PCNX1: variants seen among roughly 807,000 people sequenced by gnomAD.
PCNX1 encodes the protein pecanex 1, also known as pecanex-like protein 1.
PCNX1 carries 78 observed loss-of-function variants against 242.2 expected under a neutral mutation model. That is an observed-to-expected ratio of 0.32 (90% CI 0.27 to 0.39). The LOEUF (loss-of-function observed/expected upper bound fraction) is 0.39. Ranked by LOEUF, PCNX1 falls within the 10% of genes least tolerant of loss-of-function variation. The pLI, the probability that PCNX1 is intolerant of heterozygous loss-of-function variation, is 1.00. For synonymous variants in PCNX1, 1,024 were observed against 1,032.9 expected (o/e 0.99, Z 0.17); for missense variants, 2,581 against 2,856.5 (o/e 0.90, Z 2.20).
chr14:71,071,146 A>G (rs1017753417), intron 26 of PCNX1, among the ~76,000 whole-genome samples: 5 of 152,194 alleles, frequency 3.3e-5, no homozygotes, highest in African/African-American at 7.2e-5. Flanking sequence ...AAAGAATTGT[A>G]GAGAGTTAGA....
At chr14:71,005,214 T>A (rs1455769630) in intron 8 of PCNX1, among the ~76,000 whole-genome samples, 1 of 152,110 alleles carries the variant, frequency 6.6e-6, no homozygotes, top group African/African-American at 2.4e-5. Context: ...ATGTCAAGAA[T>A]GCAACAGGCT....
At chr14:71,069,972 G>A (rs184111231) in intron 26 of PCNX1, among the ~76,000 whole-genome samples, 7 of 152,242 alleles carry the variant, frequency 4.6e-5, no homozygotes, top group African/African-American at 1.7e-4. Flanking sequence ...TTTCAAAATT[G>A]GAGTCAGTGC....
Position 71,009,818 on chromosome 14 carries a change from GT to G in PCNX1, c.2720+100del, listed in dbSNP as rs34870105. ...TAGAACTATAAAAGTTAATTTTTTT[GT>G]TTTTTATAATTTAATGTTGTTAATT... is the stretch of plus-strand genomic sequence containing the variant. On this transcript the variant is annotated intron_variant, in intron 9 of 35. Transcript: ENST00000304743. The G allele has an allele frequency of 2.8e-3, 1,674 of 601,308 alleles. 12 individuals carry two copies. The African/African-American group carries it at 0.029, about 10-fold the overall frequency. 37.2% of individuals were successfully genotyped at this position (601,308 alleles called of 1,614,324 possible).
rs979554284 is a variant in PCNX1, at chr14:71,088,303, T to C, written c.5338-27T>C. 4 of 1,322,378 alleles carry C rather than the reference T, an allele frequency of 3.0e-6. No homozygotes were observed. In the Admixed American group the frequency reaches 5.1e-5, roughly 17 times the overall value. 81.9% of individuals were successfully genotyped at this position (1,322,378 alleles called of 1,614,324 possible). On this transcript the variant is annotated intron_variant, in intron 28 of 35. Coordinates refer to ENST00000304743, the MANE Select transcript of PCNX1 (RefSeq NM_014982.3). ...GTTAAATACTTACATACCTTTCTGATAACTAATGTTTTTTGTTTTTTTAAA... is the reference window on the plus strand; with the variant it reads ...GTTAAATACTTACATACCTTTCTGACAACTAATGTTTTTTGTTTTTTTAAA...
intron 2 of PCNX1, among the ~76,000 whole-genome samples, chr14:70,952,130 TAAATG>T (rs1343158903): frequency 6.6e-6 from 1 of 152,204 alleles, no homozygotes; most frequent in Non-Finnish European, 1.5e-5. Context: ...TTACAATGAA[TAAATG>T]AAATAATATA....
At chr14:71,009,534 G>T in intron 8 of PCNX1, 100 bp from the exon 9 acceptor site, 1 of 604,914 alleles carries the variant, frequency 1.7e-6, no homozygotes, top group East Asian at 3.0e-5. Flanking sequence ...AGGTTATGGT[G>T]TATTTTCTTA....
Position 70,978,003 on chromosome 14 carries a change from G to A in PCNX1, c.1666G>A (p.Ala556Thr). 6.2e-7 allele frequency: 1 copy of A among 1,614,158 alleles called. No individual in the cohort carries two copies. Among genetic ancestry groups the A allele is most frequent in the Middle Eastern group, 1.6e-4 (1 of 6,062 alleles). ...SSSVIHRTAS[A>T]HKSGRRRTGK... ...TAGCGTAATCCATCGGACAGCTTCT[G>A]CCCACAAGTCAGGCAGGAGACGCAC... The change falls in exon 6 of 36, where the codon GCC becomes ACC. Residue 556 changes from alanine (A) to threonine (T), a missense_variant. Around this residue, in one of 9 missense-constraint regions of PCNX1, gnomAD observed 1,204 missense variants for 1,216.7 expected, o/e 0.99. Coordinates refer to ENST00000304743, the MANE Select transcript of PCNX1 (RefSeq NM_014982.3).
At chr14:71,077,449 C>T (rs575625374) in intron 28 of PCNX1, among the ~76,000 whole-genome samples, 1 of 152,292 alleles carries the variant, frequency 6.6e-6, no homozygotes, top group South Asian at 2.1e-4. Context: ...GCATACCGAC[C>T]ATCTTCACGT....
intron 28 of PCNX1, among the ~76,000 whole-genome samples, chr14:71,083,843 A>T (rs190902755): frequency 4.1e-4 from 62 of 152,150 alleles, no homozygotes; most frequent in Non-Finnish European, 7.2e-4. Context: ...TCTGAAGCCT[A>T]CTTCTGTCAA....
At position 71,057,663 on chromosome 14, in the gene PCNX1, A is replaced by T; in HGVS notation, c.4791A>T (p.Val1597=). The change falls in exon 26 of 36, where the codon GTA becomes GTT. Residue 1597 remains valine (V), a synonymous_variant. Coordinates refer to ENST00000304743, the MANE Select transcript of PCNX1 (RefSeq NM_014982.3). ...ILASDYLNAL[V]HLIEIGNGLV... ...CCTCTGACTATCTCAATGCATTAGT[A>T]CACCTTATAGAGATAGGCAATGGTC... 1.2e-6 allele frequency: 2 copies of T among 1,613,998 alleles called. No individual in the cohort carries two copies. The highest frequency in any genetic ancestry group is 8.5e-7 in the Non-Finnish European group (1 of 1,179,890).
chr14:70,974,409 A>G (rs1036163104), intron 5 of PCNX1, among the ~76,000 whole-genome samples: 2 of 152,106 alleles, frequency 1.3e-5, no homozygotes, highest in African/African-American at 4.8e-5. Context: ...CTGGGATTAC[A>G]GGCGTGAGCC....
chr14:71,081,928 A>T (rs144526233), intron 28 of PCNX1, among the ~76,000 whole-genome samples: 1 of 151,974 alleles, frequency 6.6e-6, no homozygotes, highest in African/African-American at 2.4e-5. Flanking sequence ...TTGCTTTTCT[A>T]GTTCTTTTAA....
intron 6 of PCNX1, among the ~76,000 whole-genome samples, chr14:70,983,575 T>G (rs990707633): frequency 3.2e-4 from 48 of 152,114 alleles, no homozygotes; most frequent in African/African-American, 1.2e-3. Context: ...AGTGCTGGGA[T>G]TACAGGCGTG....
intron 1 of PCNX1, among the ~76,000 whole-genome samples, chr14:70,936,983 G>A (rs1258529044): frequency 1.3e-5 from 2 of 152,054 alleles, no homozygotes; most frequent in East Asian, 1.9e-4. Flanking sequence ...GGGTTTGTTT[G>A]ATTGTTTTCT....
rs945231079 is a variant in PCNX1 at position 70,942,617 on chromosome 14, A to G, written c.154-4298A>G. 3.3e-5 allele frequency among the ~76,000 whole-genome samples: 5 copies of G among 152,234 alleles called. No homozygotes were observed. In the South Asian group the frequency reaches 1.0e-3, roughly 31 times the overall value. On this transcript the variant is annotated intron_variant, in intron 1 of 35. Transcript: ENST00000304743. ...GAGATACTATTAATACAAAGGATAC[A>G]AATGAAAAGTTGCATGAGGCAAGGC...
chr14:70,962,993 T>G (rs560949521), intron 3 of PCNX1, among the ~76,000 whole-genome samples: 1 of 152,336 alleles, frequency 6.6e-6, no homozygotes, highest in East Asian at 1.9e-4. Context: ...TTAGCAGACC[T>G]TTACATAACT....
At chr14:70,968,480 T>G (rs1455201536) in intron 4 of PCNX1, among the ~76,000 whole-genome samples, 4 of 152,356 alleles carry the variant, frequency 2.6e-5, no homozygotes, top group African/African-American at 9.6e-5. Context: ...TACATAAGTT[T>G]TGATCTATAA....
rs116537232 is a variant in PCNX1, at chr14:70,928,769, G to A, written c.154-18146G>A. Reference sequence around the variant, plus strand: ...ATGCAGTCTCCAGATGATACCATCCGGATAATACTGGGAGACAAATCTGTA... The same window carrying A: ...ATGCAGTCTCCAGATGATACCATCCAGATAATACTGGGAGACAAATCTGTA... On this transcript the variant is annotated intron_variant, in intron 1 of 35. Transcript: ENST00000304743. 6.3e-3 allele frequency among the ~76,000 whole-genome samples: 960 copies of A among 152,194 alleles called. 8 individuals are homozygous for A. Among genetic ancestry groups the A allele is most frequent in the African/African-American group, 0.022 (925 of 41,530 alleles).
intron 1 of PCNX1, among the ~76,000 whole-genome samples, chr14:70,930,228 C>T (rs1487050868): frequency 6.6e-6 from 1 of 152,044 alleles, no homozygotes; most frequent in Non-Finnish European, 1.5e-5. Context: ...ACACTGCAGC[C>T]TTGAACTTTT....
Sources: allele counts gnomAD v4.1 joint callset (sites outside exome capture counted in the v4.1 genomes callset), GRCh38; gene constraint gnomAD v4.1.1; regional missense constraint gnomAD v4.1.1; transcripts MANE v1.5; gene names NCBI Gene and HGNC (gene_info 2026-07-23, HGNC 2026-07-21).